EEA1: variants seen among roughly 807,000 people sequenced by gnomAD.
EEA1 encodes early endosome antigen 1, 162kD.
A neutral mutation model predicts 209.2 loss-of-function variants in EEA1; 111 were observed. That is an observed-to-expected ratio of 0.53 (90% CI 0.45 to 0.62). EEA1 has a LOEUF of 0.62. EEA1 is among the 20% of genes least tolerant of loss of function. The probability of loss-of-function intolerance (pLI) is 0.00; values close to 1 mark genes in which losing one functional copy is unlikely to be tolerated. For missense variants in EEA1, 1,343 were observed against 1,530.8 expected, an observed-to-expected ratio of 0.88 and a Z score of 2.05; for synonymous variants, 536 against 540.6, an observed-to-expected ratio of 0.99 and a Z score of 0.12.
Position 92,812,658 on chromosome 12 carries a change from G to C in EEA1, c.2043+322C>G, listed in dbSNP as rs543783715. On this transcript the variant is annotated intron_variant, in intron 16 of 28. Coordinates refer to ENST00000322349, the MANE Select transcript of EEA1 (RefSeq NM_003566.4). ...CTGCCCCATCCAATCACCAACACTT[G>C]AAGGGATGGGGCAACAATTCAAAAG... 5.9e-5 allele frequency among the ~76,000 whole-genome samples: 9 copies of C among 152,284 alleles called. No homozygotes were observed. The South Asian group carries it at 1.7e-3, about 28-fold the overall frequency.
At chr12:92,915,647 C>G (rs1880738782) in intron 1 of EEA1, among the ~76,000 whole-genome samples, 2 of 152,164 alleles carry the variant, frequency 1.3e-5, no homozygotes, top group South Asian at 4.1e-4. Context: ...TCTGGGATCT[C>G]AACTGATATT....
At chr12:92,777,175 C>T (rs1356660982) in intron 27 of EEA1, among the ~76,000 whole-genome samples, 2 of 151,806 alleles carry the variant, frequency 1.3e-5, no homozygotes, top group South Asian at 2.1e-4. Context: ...ATCTTGCTAA[C>T]CTTTGCTGAT....
rs5800089 is a variant in EEA1, at chr12:92,834,546, T to TAAAAAAAAAAAAAAAAAAAAAAAAAAAAA, written c.916-1697_916-1696insTTTTTTTTTTTTTTTTTTTTTTTTTTTTT. Among the ~76,000 whole-genome samples the TAAAAAAAAAAAAAAAAAAAAAAAAAAAAA allele has an allele frequency of 2.7e-5, 2 of 74,424 alleles. 1 individual carries two copies. The allele number at this position is 74,424 out of a possible 152,430, so 48.8% of individuals were successfully genotyped here. ...GGCAACAAGGGCAAGACCCTGTCAC[T>TAAAAAAAAAAAAAAAAAAAAAAAAAAAAA]AAAAAAAAAAAAAAAAAAAAAAAGA... On this transcript the variant is annotated intron_variant, in intron 10 of 28. Coordinates refer to ENST00000322349, the MANE Select transcript of EEA1 (RefSeq NM_003566.4).
intron 9 of EEA1, among the ~76,000 whole-genome samples, chr12:92,844,141 CTT>C (rs1056443780): frequency 1.3e-5 from 2 of 152,054 alleles, no homozygotes; most frequent in African/African-American, 4.8e-5. Context: ...ATTTTAATAA[CTT>C]GGGCTTATTT....
intron 1 of EEA1, among the ~76,000 whole-genome samples, chr12:92,924,252 C>T (rs1220068095): frequency 7.6e-6 from 1 of 132,336 alleles, no homozygotes; most frequent in East Asian, 2.2e-4. Context: ...GTTGCCCAGG[C>T]TGGAGAGTGC....
Position 92,899,279 on chromosome 12 carries a change from G to A in EEA1, c.25-7558C>T, listed in dbSNP as rs1035872476. ...AGAAGGTTAAGCCAACTGAATACAT[G>A]AGTGAAATAAACATGAATTTTAGAT... On this transcript the variant is annotated intron_variant, in intron 1 of 28. Coordinates refer to ENST00000322349, the MANE Select transcript of EEA1 (RefSeq NM_003566.4). 1.1e-4 allele frequency among the ~76,000 whole-genome samples: 16 copies of A among 152,282 alleles called. No individual in the cohort carries two copies. In the South Asian group the frequency reaches 1.2e-3, roughly 12 times the overall value.
chr12:92,772,696 T>C lies in EEA1; in HGVS notation c.*3315A>G, dbSNP rs906691055. 1 of 152,256 alleles carries C rather than the reference T, an allele frequency of 6.6e-6. No individual in the cohort carries two copies. Among genetic ancestry groups the C allele is most frequent in the African/African-American group, 2.4e-5 (1 of 41,432 alleles). 9.4% of individuals were successfully genotyped at this position (152,256 alleles called of 1,614,324 possible). Reference sequence around the variant, plus strand: ...ATTGCAGTATTTACTGAGCTAACCTTTCTCACAAAGTAAGGCACAACTACA... The same window carrying C: ...ATTGCAGTATTTACTGAGCTAACCTCTCTCACAAAGTAAGGCACAACTACA... On this transcript the variant is annotated 3_prime_UTR_variant, in exon 29 of 29. Transcript: ENST00000322349.
chr12:92,822,927 T>A (rs962228751), intron 13 of EEA1, among the ~76,000 whole-genome samples: 4 of 152,116 alleles, frequency 2.6e-5, no homozygotes, highest in African/African-American at 9.7e-5. Context: ...TGATGACACC[T>A]CCACTTACCA....
chr12:92,864,648 A>G (rs905108639), intron 3 of EEA1, among the ~76,000 whole-genome samples: 4 of 152,160 alleles, frequency 2.6e-5, no homozygotes, highest in Non-Finnish European at 4.4e-5. Flanking sequence ...AACATAACCT[A>G]TGTACCGTAT....
chr12:92,803,043 C>T (rs1010841732), intron 18 of EEA1, among the ~76,000 whole-genome samples: 1 of 151,966 alleles, frequency 6.6e-6, no homozygotes, highest in Non-Finnish European at 1.5e-5. Flanking sequence ...AACTATGTAT[C>T]ACAGACCCTC....
At position 92,780,329 on chromosome 12, in the gene EEA1, A is replaced by G; in HGVS notation, c.3419T>C (p.Ile1140Thr). The change falls in exon 24 of 29, where the codon ATC becomes ACC. Residue 1140 changes from isoleucine (I) to threonine (T), a missense_variant. Ile to Thr is a moderately conservative substitution (Grantham distance 89). This residue lies in a region of EEA1 where 1,307 missense variants were observed against 1,465.5 expected (regional missense o/e 0.89). Coordinates refer to ENST00000322349, the MANE Select transcript of EEA1 (RefSeq NM_003566.4). ...EEIKCRQEKEITKLNEELKSH... is the reference protein window; with the variant it reads ...EEIKCRQEKETTKLNEELKSH... ...CTTGAGTTCTTCGTTTAGTTTAGTG[A>G]TTTCTTTTTCTTGTCTACATTTAAT... 6.2e-7 allele frequency: 1 copy of G among 1,603,844 alleles called. No homozygotes were observed. Among genetic ancestry groups the G allele is most frequent in the Non-Finnish European group, 8.5e-7 (1 of 1,176,562 alleles).
At chr12:92,886,822 C>A (rs993533821) in intron 2 of EEA1, among the ~76,000 whole-genome samples, 8 of 151,828 alleles carry the variant, frequency 5.3e-5, no homozygotes, top group South Asian at 2.1e-4. Context: ...CATGGTGAAA[C>A]CCTGTCTCTA....
At chr12:92,857,143 C>T (rs1877917066) in intron 5 of EEA1, 132 bp downstream of exon 5, 1 of 600,816 alleles carries the variant, frequency 1.7e-6, no homozygotes, top group African/African-American at 1.9e-5. Flanking sequence ...CATCAGAATT[C>T]AACACAGAGA....
chr12:92,881,412 G>A (rs1167169815), intron 2 of EEA1, among the ~76,000 whole-genome samples: 3 of 151,972 alleles, frequency 2.0e-5, no homozygotes, highest in African/African-American at 4.8e-5. Flanking sequence ...AGAGGAGGAG[G>A]GGAGGGAAAG....
intron 23 of EEA1, among the ~76,000 whole-genome samples, chr12:92,780,799 G>A (rs1402369849): frequency 6.6e-6 from 1 of 151,940 alleles, no homozygotes; most frequent in Non-Finnish European, 1.5e-5. Context: ...CATTTTCTAG[G>A]TGAAGAAACA....
intron 2 of EEA1, among the ~76,000 whole-genome samples, chr12:92,869,649 G>A (rs905569770): frequency 6.7e-6 from 1 of 148,426 alleles, no homozygotes; most frequent in African/African-American, 2.5e-5. Flanking sequence ...CCAGCTACTC[G>A]GGAGGCTGAG....
At chr12:92,836,383 A>G (rs529368956) in intron 10 of EEA1, among the ~76,000 whole-genome samples, 33 of 152,158 alleles carry the variant, frequency 2.2e-4, no homozygotes, top group Non-Finnish European at 4.6e-4. Flanking sequence ...TGTTATCTCA[A>G]TATATATTCT....
chr12:92,860,893 AAAG>A (rs1298952525), intron 3 of EEA1, among the ~76,000 whole-genome samples: 5 of 146,082 alleles, frequency 3.4e-5, no homozygotes, highest in South Asian at 2.1e-4. Context: ...TAAAAAAAAA[AAAG>A]AAGACAAAGA....
chr12:92,911,658 T>C (rs893048305), intron 1 of EEA1, among the ~76,000 whole-genome samples: 10 of 152,322 alleles, frequency 6.6e-5, no homozygotes, highest in African/African-American at 9.6e-5. Context: ...TATGTCAACA[T>C]AGGTTCACGA....
Sources: allele counts gnomAD v4.1 joint callset (sites outside exome capture counted in the v4.1 genomes callset), GRCh38; gene constraint gnomAD v4.1.1; regional missense constraint gnomAD v4.1.1; transcripts MANE v1.5; gene names NCBI Gene and HGNC (gene_info 2026-07-23, HGNC 2026-07-21).